The following SLC38A10 variants were observed in gnomAD, a reference collection of about 807,000 sequenced individuals.
SLC38A10 encodes Sodium-coupled neutral amino acid transporter 10.
A neutral mutation model predicts 81.0 loss-of-function variants in SLC38A10; 53 were observed. That is an observed-to-expected ratio of 0.65 (90% CI 0.53 to 0.82). The LOEUF is 0.82. Among genes scored for constraint, SLC38A10 ranks in the 40% least tolerant of loss-of-function variants. The probability of loss-of-function intolerance (pLI) is 0.00; values close to 1 mark genes in which losing one functional copy is unlikely to be tolerated. For missense variants in SLC38A10, 1,471 were observed against 1,545.0 expected, an observed-to-expected ratio of 0.95 and a Z score of 0.80; for synonymous variants, 665 against 655.3, an observed-to-expected ratio of 1.01 and a Z score of -0.23.
Position 81,252,335 on chromosome 17 carries a change from C to A in SLC38A10, c.1805G>T (p.Gly602Val). The A allele has an allele frequency of 6.2e-7, 1 of 1,612,862 alleles. No homozygotes were observed. The highest frequency in any genetic ancestry group is 8.5e-7 in the Non-Finnish European group (1 of 1,179,868). Residue 602 changes from glycine to valine, a missense_variant, in exon 13 of 16, where the codon GGC becomes GTC. Around this residue, in one of 2 missense-constraint regions of SLC38A10, gnomAD observed 751 missense variants for 717.4 expected, o/e 1.05. Coordinates refer to ENST00000374759, the MANE Select transcript of SLC38A10 (RefSeq NM_001037984.3). ...CACTGCCTGGGGCCGAGGATGCAGG[C>A]CCCTGTCTCCTGGCCCCAGGTCCTC... The part of the protein sequence containing the change: ...AKEDLGPGDR[G>V]LHPRPQAVLS...
In SLC38A10 at chr17:81,283,020, C is replaced by G. The variant is rs1343304288; in HGVS notation, c.357+389G>C. 6.6e-6 allele frequency among the ~76,000 whole-genome samples: 1 copy of G among 152,154 alleles called. No individual in the cohort carries two copies. The highest frequency in any genetic ancestry group is 1.5e-5 in the Non-Finnish European group (1 of 68,028). ...AGCACGGAGGAGGCTACCCCAAGGT[C>G]CCTGCAAGAAGTGCTGAGTCCACAG... On this transcript the variant is annotated intron_variant, in intron 4 of 15. Coordinates refer to ENST00000374759, the MANE Select transcript of SLC38A10 (RefSeq NM_001037984.3). This position sits in a 1 kb window ranked among gnomAD's most constrained non-coding sequence, Gnocchi z 4.7.
At position 81,247,125 on chromosome 17, in the gene SLC38A10, C is replaced by T. The variant is rs536965684; in HGVS notation, c.2066-64G>A. 76 of 1,488,338 alleles carry T rather than the reference C, an allele frequency of 5.1e-5. No homozygotes were observed. The African/African-American group carries it at 5.5e-4, about 11-fold the overall frequency. 92.2% of individuals were successfully genotyped at this position (1,488,338 alleles called of 1,614,324 possible). On this transcript the variant is annotated intron_variant, in intron 14 of 15. Transcript: ENST00000374759. ...CTCATGCACCGTGCTGGGCCAGGGA[C>T]GGCGCGGCCCACAGCAAGGCAACGC... is the stretch of plus-strand genomic sequence containing the variant.
chr17:81,291,093 C>T (rs1389844795), intron 1 of SLC38A10, among the ~76,000 whole-genome samples: 2 of 152,174 alleles, frequency 1.3e-5, no homozygotes, highest in Non-Finnish European at 2.9e-5. Context: ...CACACTAGTG[C>T]GAGACGTCAG....
rs1002901259 is a variant in SLC38A10, at chr17:81,249,952, T to G, written c.2065+1541A>C. The stretch of plus-strand genomic sequence containing the variant: ...TGGGTGCGTGCGCAGGTCTGGGGCC[T>G]GACACGTGTCCCCATGCAGGGCTGT... On this transcript the variant is annotated intron_variant, in intron 14 of 15. Transcript: ENST00000374759. 3 of 934,350 alleles carry G rather than the reference T, an allele frequency of 3.2e-6. No homozygotes were observed. In the African/African-American group the frequency reaches 5.2e-5, roughly 16 times the overall value. 57.9% of individuals were successfully genotyped at this position (934,350 alleles called of 1,614,324 possible).
In SLC38A10 at chr17:81,251,586, T is replaced by A. The variant is rs774541864; in HGVS notation, c.1972A>T (p.Lys658Ter). ...GGCAGCCCAGGCCCTGGAGCCGGCT[T>A]CTCCGCTGGGAGGGGAGGCTTCCCA... ...HGGKPPLPAE[K>*]PAPGPGLPPE... Residue 658 changes from lysine to a stop codon, truncating the protein, a stop_gained, in exon 14 of 16, where the codon AAG becomes TAG. Transcript: ENST00000374759. LOFTEE classifies it high-confidence loss of function. 6.7e-7 allele frequency: 1 copy of A among 1,493,142 alleles called. No homozygotes were observed. Among genetic ancestry groups the A allele is most frequent in the East Asian group, 2.3e-5 (1 of 43,244 alleles). The allele number at this position is 1,493,142 out of a possible 1,614,324, so 92.5% of individuals were successfully genotyped here.
intron 8 of SLC38A10, among the ~76,000 whole-genome samples, chr17:81,273,801 C>A (rs965996883): frequency 1.3e-5 from 2 of 152,180 alleles, no homozygotes; most frequent in Admixed American, 1.3e-4. Flanking sequence ...GGTGAAGGAG[C>A]AGTGCACCCA....
Position 81,277,151 on chromosome 17 carries a change from ATT to A in SLC38A10, c.627-20_627-19del. 6.2e-7 allele frequency: 1 copy of A among 1,612,412 alleles called. No homozygotes were observed. The highest frequency in any genetic ancestry group is 8.5e-7 in the Non-Finnish European group (1 of 1,178,886). On this transcript the variant is annotated intron_variant, in intron 6 of 15. Transcript: ENST00000374759. This position sits in a 1 kb window ranked among gnomAD's most constrained non-coding sequence, Gnocchi z 4.5. ...GCACCTGGCTGTATAGAAACAGGCCATTTCACAGCGGACCTGAGAGAGGCACG... is the reference window on the plus strand; with the variant it reads ...GCACCTGGCTGTATAGAAACAGGCCATCACAGCGGACCTGAGAGAGGCACG...
chr17:81,262,393 T>C lies in SLC38A10; in HGVS notation c.1132-1999A>G, dbSNP rs147956266. 2.4e-3 allele frequency among the ~76,000 whole-genome samples: 362 copies of C among 150,934 alleles called. 1 individual carries two copies. Among genetic ancestry groups the C allele is most frequent in the Middle Eastern group, 6.8e-3 (2 of 294 alleles). ...CCAGGAAGCTGCCTGGACAGGAGAC[T>C]GTGTTGTCTGGAAGCCCTGGGAAGC... On this transcript the variant is annotated intron_variant, in intron 10 of 15. Coordinates refer to ENST00000374759, the MANE Select transcript of SLC38A10 (RefSeq NM_001037984.3).
chr17:81,270,944 T>A lies in SLC38A10; in HGVS notation c.1105A>T (p.Ile369Phe). The change falls in exon 10 of 16, where the codon ATC becomes TTC. Residue 369 changes from isoleucine (I) to phenylalanine (F), a missense_variant. This residue lies in a region of SLC38A10 where 720 missense variants were observed against 827.7 expected (regional missense o/e 0.87). Coordinates refer to ENST00000374759, the MANE Select transcript of SLC38A10 (RefSeq NM_001037984.3). This position sits in a 1 kb window ranked among gnomAD's most constrained non-coding sequence, Gnocchi z 4.0. Reference sequence around the variant, plus strand: ...TGGGAGGAAAGTGCGTTCTTGTGGATTTTCTTGTAGATCAGCGCCGGGCAG... The same window carrying A: ...TGGGAGGAAAGTGCGTTCTTGTGGAATTTCTTGTAGATCAGCGCCGGGCAG... Reference protein sequence around the residue: ...FICPALIYKKIHKNALSSQVV... With the variant: ...FICPALIYKKFHKNALSSQVV... The A allele has an allele frequency of 6.2e-7, 1 of 1,613,940 alleles. No individual in the cohort carries two copies. The highest frequency in any genetic ancestry group is 8.5e-7 in the Non-Finnish European group (1 of 1,179,986).
chr17:81,246,446 T>C lies in SLC38A10; in HGVS notation c.2470A>G (p.Thr824Ala). The C allele has an allele frequency of 6.3e-7, 1 of 1,590,808 alleles. No individual in the cohort carries two copies. Among genetic ancestry groups the C allele is most frequent in the African/African-American group, 1.3e-5 (1 of 74,222 alleles). The change falls in exon 16 of 16, where the codon ACA becomes GCA. Residue 824 changes from threonine (T) to alanine (A), a missense_variant. This residue lies in a region of SLC38A10 where 751 missense variants were observed against 717.4 expected (regional missense o/e 1.05). Coordinates refer to ENST00000374759, the MANE Select transcript of SLC38A10 (RefSeq NM_001037984.3). ...TTGGCCTGGGCTGCCCGAGGCTCTG[T>C]GTCAGGGCCGCCGTCAGGAGGGCCA... ...PAGPPDGGPD[T>A]EPRAAQAKLR...
Position 81,283,672 on chromosome 17 carries a change from G to A in SLC38A10, c.264-170C>T, listed in dbSNP as rs2063237039. On this transcript the variant is annotated intron_variant, in intron 3 of 15. Coordinates refer to ENST00000374759, the MANE Select transcript of SLC38A10 (RefSeq NM_001037984.3). The surrounding 1 kb of genome is among the most constrained non-coding windows in gnomAD (Gnocchi z 4.7). ...TCTGTCGCCCAGGCTGGAGTGCAAT[G>A]GTGAGATCTCGGCTCACTGCAAGCT... Among the ~76,000 whole-genome samples the A allele has an allele frequency of 1.3e-5, 2 of 150,902 alleles. No individual in the cohort carries two copies. The highest frequency in any genetic ancestry group is 1.3e-4 in the Admixed American group (2 of 15,138).
intron 1 of SLC38A10, among the ~76,000 whole-genome samples, chr17:81,291,646 G>T (rs58169760): frequency 6.6e-6 from 1 of 152,136 alleles, no homozygotes; most frequent in Non-Finnish European, 1.5e-5. Context: ...GCTCCAGAGC[G>T]GAGCACACGC....
chr17:81,276,047 C>G lies in SLC38A10; in HGVS notation c.834G>C (p.Met278Ile). The G allele has an allele frequency of 1.2e-6, 2 of 1,613,992 alleles. No individual in the cohort carries two copies. The change falls in exon 8 of 16, where the codon ATG becomes ATC. Residue 278 changes from methionine to isoleucine, a missense_variant. Met to Ile is a conservative substitution (Grantham distance 10, BLOSUM62 1). Around this residue, in one of 2 missense-constraint regions of SLC38A10, gnomAD observed 720 missense variants for 827.7 expected, o/e 0.87. Transcript: ENST00000374759. This position sits in a 1 kb window ranked among gnomAD's most constrained non-coding sequence, Gnocchi z 4.7. ...TGGGGAAGCCCACAGCCACTGACAT[C>G]ATGAAGCCCACACGGAGCATCTCCG... The part of the protein sequence containing the change: ...LVTEMLRVGF[M>I]MSVAVGFPMM...
At chr17:81,275,269 T>C (rs2063150164) in intron 8 of SLC38A10, among the ~76,000 whole-genome samples, 1 of 152,078 alleles carries the variant, frequency 6.6e-6, no homozygotes, top group Admixed American at 6.5e-5. Flanking sequence ...AGTGTAGTGA[T>C]GCATTCACAC....
At chr17:81,280,777 A>G in intron 5 of SLC38A10, 44 bp from the exon 6 acceptor site, 1 of 1,571,948 alleles carries the variant, frequency 6.4e-7, no homozygotes, top group Non-Finnish European at 8.6e-7. Context: ...GTCAGGACGC[A>G]GGCGGGACTC....
At chr17:81,291,027 A>C (rs1342625248) in intron 1 of SLC38A10, among the ~76,000 whole-genome samples, 1 of 151,950 alleles carries the variant, frequency 6.6e-6, no homozygotes, top group Non-Finnish European at 1.5e-5. Context: ...AAGAGAGTGA[A>C]TCTTCCTGCA....
chr17:81,286,027 C>T lies in SLC38A10; in HGVS notation c.218-1132G>A, dbSNP rs1344624760. 6.6e-6 allele frequency among the ~76,000 whole-genome samples: 1 copy of T among 152,082 alleles called. No individual in the cohort carries two copies. The highest frequency in any genetic ancestry group is 1.5e-5 in the Non-Finnish European group (1 of 68,016). On this transcript the variant is annotated intron_variant, in intron 2 of 15. Transcript: ENST00000374759. This position sits in a 1 kb window ranked among gnomAD's most constrained non-coding sequence, Gnocchi z 6.0. ...CATCCCACAACACGGAAACCCGAGC[C>T]AGGCCCCAGAAGCTGACCTGAGGCT... is the stretch of plus-strand genomic sequence containing the variant.
intron 8 of SLC38A10, among the ~76,000 whole-genome samples, chr17:81,275,436 A>G (rs1196486414): frequency 6.6e-6 from 1 of 152,060 alleles, no homozygotes; most frequent in Non-Finnish European, 1.5e-5. Flanking sequence ...ACAAAAGTCA[A>G]GAGAACTGTG....
At chr17:81,259,897 C>T (rs1440031428) in intron 11 of SLC38A10, among the ~76,000 whole-genome samples, 1 of 152,240 alleles carries the variant, frequency 6.6e-6, no homozygotes, top group Non-Finnish European at 1.5e-5. Flanking sequence ...GAGAAACTTA[C>T]ATCCTCAAAT....
Sources: allele counts gnomAD v4.1 joint callset (sites outside exome capture counted in the v4.1 genomes callset), GRCh38; gene constraint gnomAD v4.1.1; regional missense constraint gnomAD v4.1.1; non-coding constraint Gnocchi (gnomAD v3.1); transcripts MANE v1.5; gene names NCBI Gene and HGNC (gene_info 2026-07-23, HGNC 2026-07-21).